The following PLCL1 variants were observed in gnomAD, a reference collection of about 807,000 sequenced individuals.
PLCL1 encodes inactive phospholipase C-like protein 1.
In PLCL1, 41 loss-of-function variants were observed where a neutral mutation model predicts 84.4. That is an observed-to-expected ratio of 0.49 (90% confidence interval 0.38 to 0.63). The LOEUF is 0.63. PLCL1 is among the 30% of genes least tolerant of loss of function. The pLI is 0.00. For synonymous variants in PLCL1, 490 were observed against 488.3 expected, an observed-to-expected ratio of 1.00 and a Z score of -0.05; for missense variants, 1,206 against 1,367.8, an observed-to-expected ratio of 0.88 and a Z score of 1.87.
intron 1 of PLCL1, among the ~76,000 whole-genome samples, chr2:198,041,931 G>T (rs1559083554): frequency 6.6e-6 from 1 of 152,088 alleles, no homozygotes; most frequent in Non-Finnish European, 1.5e-5. Flanking sequence ...AAATAAAGTT[G>T]GGTATCCCCC....
At chr2:197,856,168 G>A (rs903100379) in intron 1 of PLCL1, among the ~76,000 whole-genome samples, 1 of 152,138 alleles carries the variant, frequency 6.6e-6, no homozygotes, top group African/African-American at 2.4e-5. Flanking sequence ...ACACACATAT[G>A]CATAATATTT....
chr2:197,829,243 A>C (rs1356843235), intron 1 of PLCL1, among the ~76,000 whole-genome samples: 3 of 152,200 alleles, frequency 2.0e-5, no homozygotes, highest in Admixed American at 2.0e-4. Context: ...AGATTTTTCT[A>C]ATGAAACAGA....
intron 1 of PLCL1, among the ~76,000 whole-genome samples, chr2:197,971,593 A>G (rs942857227): frequency 6.6e-6 from 1 of 152,224 alleles, no homozygotes; most frequent in African/African-American, 2.4e-5. Context: ...CCATAGAATT[A>G]GCAAAAACTT....
intron 1 of PLCL1, among the ~76,000 whole-genome samples, chr2:197,819,052 A>G (rs996200127): frequency 1.3e-5 from 2 of 152,162 alleles, no homozygotes; most frequent in Admixed American, 1.3e-4. Flanking sequence ...ATAGAGAGTC[A>G]GCCTTTGGAT....
intron 1 of PLCL1, among the ~76,000 whole-genome samples, chr2:198,059,368 T>A (rs1692140705): frequency 1.3e-5 from 2 of 152,194 alleles, no homozygotes; most frequent in Non-Finnish European, 2.9e-5. Flanking sequence ...AATCAGGATG[T>A]TATTATCTGG....
intron 1 of PLCL1, among the ~76,000 whole-genome samples, chr2:198,062,766 C>G (rs1005200963): frequency 3.3e-5 from 5 of 152,138 alleles, no homozygotes; most frequent in Admixed American, 1.3e-4. Context: ...TGGCCTCCCC[C>G]CTTTAACCTA....
rs527426489 is a variant in PLCL1 at position 197,960,487 on chromosome 2, T to C, written c.241-123271T>C. On this transcript the variant is annotated intron_variant, in intron 1 of 5. Coordinates refer to ENST00000428675, the MANE Select transcript of PLCL1 (RefSeq NM_006226.4). ...CAAATAGCAGTTCATATAGCAGAGA[T>C]TGAGAGTAGCAACACATGGCTTAAA... Among the ~76,000 whole-genome samples the C allele has an allele frequency of 7.9e-5, 12 of 152,118 alleles. No individual in the cohort carries two copies. The East Asian group carries it at 2.1e-3, about 27-fold the overall frequency.
chr2:197,865,690 C>T (rs754027416), intron 1 of PLCL1, among the ~76,000 whole-genome samples: 21 of 152,026 alleles, frequency 1.4e-4, no homozygotes, highest in African/African-American at 4.1e-4. Flanking sequence ...AAAGCTCACG[C>T]GTCAAATGAT....
intron 1 of PLCL1, among the ~76,000 whole-genome samples, chr2:197,930,945 T>C (rs1460996940): frequency 2.0e-5 from 3 of 152,190 alleles, no homozygotes; most frequent in African/African-American, 4.8e-5. Flanking sequence ...AGACAGTTAC[T>C]CTTTACTCTA....
intron 1 of PLCL1, among the ~76,000 whole-genome samples, chr2:197,996,748 A>C (rs1296242374): frequency 6.6e-6 from 1 of 152,216 alleles, no homozygotes; most frequent in African/African-American, 2.4e-5. Context: ...CTCACAGAGA[A>C]ATAATCAGCT....
chr2:198,116,273 T>A (rs1206820245), intron 5 of PLCL1, among the ~76,000 whole-genome samples: 2 of 151,742 alleles, frequency 1.3e-5, no homozygotes, highest in African/African-American at 4.8e-5. Context: ...ATACATCAAA[T>A]ATGAGATTAC....
At chr2:198,031,492 G>A (rs893356480) in intron 1 of PLCL1, among the ~76,000 whole-genome samples, 5 of 151,792 alleles carry the variant, frequency 3.3e-5, no homozygotes, top group East Asian at 3.9e-4. Context: ...TGACCGTTCA[G>A]TATTGGTTGA....
intron 1 of PLCL1, among the ~76,000 whole-genome samples, chr2:198,077,305 G>A (rs1692600328): frequency 6.6e-6 from 1 of 151,900 alleles, no homozygotes; most frequent in South Asian, 2.1e-4. Context: ...TGCACGTTGT[G>A]CACATGTACC....
intron 5 of PLCL1, among the ~76,000 whole-genome samples, chr2:198,115,258 C>G (rs1273383784): frequency 1.3e-5 from 2 of 151,750 alleles, no homozygotes; most frequent in African/African-American, 4.8e-5. Flanking sequence ...TTGGCCAAGT[C>G]CAGGTAGTAG....
At position 197,924,394 on chromosome 2, in the gene PLCL1, G is replaced by C. The variant is rs142301794; in HGVS notation, c.240+119055G>C. Among the ~76,000 whole-genome samples, 127 of 152,262 alleles carry C rather than the reference G, an allele frequency of 8.3e-4. 3 individuals carry two copies. The East Asian group carries it at 0.022, about 26-fold the overall frequency. On this transcript the variant is annotated intron_variant, in intron 1 of 5. Transcript: ENST00000428675. ...TTCAGGTGAACCCTCCACTGGTATT[G>C]ACAATGGAGAAAGCTCTGAGAAATT...
chr2:197,936,514 A>G (rs377298356), intron 1 of PLCL1, among the ~76,000 whole-genome samples: 1 of 152,146 alleles, frequency 6.6e-6, no homozygotes, highest in East Asian at 1.9e-4. Flanking sequence ...GATGTTGAAC[A>G]TGTTTTCATA....
chr2:197,828,948 A>G (rs1690991604), intron 1 of PLCL1, among the ~76,000 whole-genome samples: 1 of 152,170 alleles, frequency 6.6e-6, no homozygotes, highest in South Asian at 2.1e-4. Flanking sequence ...AGCACAAAGC[A>G]TGATTTATGA....
At chr2:198,024,634 A>G (rs529580638) in intron 1 of PLCL1, among the ~76,000 whole-genome samples, 16 of 152,218 alleles carry the variant, frequency 1.1e-4, no homozygotes, top group South Asian at 8.3e-4. Context: ...GTGGTGACAC[A>G]TGCCTGTGAT....
At chr2:197,855,842 T>A (rs1045521325) in intron 1 of PLCL1, among the ~76,000 whole-genome samples, 1 of 152,170 alleles carries the variant, frequency 6.6e-6, no homozygotes, top group Non-Finnish European at 1.5e-5. Flanking sequence ...TTAATGTCTA[T>A]GCTTTTAATT....
Sources: allele counts gnomAD v4.1 joint callset (sites outside exome capture counted in the v4.1 genomes callset), GRCh38; gene constraint gnomAD v4.1.1; transcripts MANE v1.5; gene names NCBI Gene and HGNC (gene_info 2026-07-23, HGNC 2026-07-21).